The following DHRS7C variants were observed in gnomAD, a reference collection of about 807,000 sequenced individuals.
The protein encoded by DHRS7C is dehydrogenase/reductase SDR family member 7C.
DHRS7C carries 28 observed loss-of-function variants against 29.6 expected under a neutral mutation model. The observed-to-expected ratio is 0.95, with a 90% CI of 0.70 to 1.30. DHRS7C has a LOEUF of 1.30. Ranked by LOEUF, DHRS7C falls within the 50% of genes most tolerant of loss-of-function variation. DHRS7C has a pLI of 0.00. For synonymous variants in DHRS7C, 158 were observed against 160.2 expected, an observed-to-expected ratio of 0.99 and a Z score of 0.10; for missense variants, 403 against 393.3, an observed-to-expected ratio of 1.02 and a Z score of -0.21.
intron 1 of DHRS7C, among the ~76,000 whole-genome samples, chr17:9,787,079 G>A (rs1033873821): frequency 1.1e-4 from 16 of 152,060 alleles, no homozygotes; most frequent in African/African-American, 3.4e-4. Flanking sequence ...CCAAGTAGCT[G>A]GGATTACAGG....
chr17:9,781,414 G>T, intron 2 of DHRS7C, 68 bp downstream of exon 2: 1 of 1,461,002 alleles, frequency 6.8e-7, no homozygotes, highest in Non-Finnish European at 9.5e-7. Context: ...CCAAGAGCTG[G>T]TCCTGAACAA....
intron 3 of DHRS7C, among the ~76,000 whole-genome samples, chr17:9,778,157 C>T (rs536648965): frequency 1.3e-4 from 19 of 151,968 alleles, no homozygotes; most frequent in African/African-American, 4.1e-4. Flanking sequence ...TTTGGGAGGC[C>T]GAGGCGGGTG....
Position 9,771,616 on chromosome 17 carries a change from G to A in DHRS7C, c.808C>T (p.Gln270Ter). 1 of 1,602,266 alleles carries A rather than the reference G, an allele frequency of 6.2e-7. No homozygotes were observed. The highest frequency in any genetic ancestry group is 2.3e-5 in the East Asian group (1 of 43,982). Residue 270 changes from glutamine (Q) to a stop codon, truncating the protein, a stop_gained, in exon 6 of 6, where the codon CAA (glutamine) becomes TAA (stop). Coordinates refer to ENST00000571134, the MANE Select transcript of DHRS7C (RefSeq NM_001105571.3). LOFTEE classifies it high-confidence loss of function. The part of the protein sequence containing the change: ...EVMRTVRRKK[Q>*]EVFMANPIPK... ...ATGGGGTTGGCCATAAACACCTCTT[G>A]CTTCTTCCTCCGCACGGTGCGCATC...
chr17:9,783,777 C>G (rs1183323545), intron 1 of DHRS7C, among the ~76,000 whole-genome samples: 1 of 151,904 alleles, frequency 6.6e-6, no homozygotes, highest in Non-Finnish European at 1.5e-5. Flanking sequence ...ACCAGCCTGG[C>G]CAACATGATG....
intron 2 of DHRS7C, among the ~76,000 whole-genome samples, 157 bp downstream of exon 2, chr17:9,781,325 G>A (rs1420921497): frequency 1.3e-5 from 2 of 152,168 alleles, no homozygotes; most frequent in Non-Finnish European, 2.9e-5. Flanking sequence ...TTTATGAATG[G>A]CAAACATGCC....
chr17:9,783,978 TGAATACCTATCTGG>T (rs898687333), intron 1 of DHRS7C, among the ~76,000 whole-genome samples: 3 of 150,454 alleles, frequency 2.0e-5, no homozygotes, highest in Non-Finnish European at 4.4e-5. Context: ...AAATGGTATT[TGAATACCTATCTGG>T]GAGGGAAAAA....
chr17:9,787,008 T>C, intron 1 of DHRS7C, among the ~76,000 whole-genome samples: 1 of 152,098 alleles, frequency 6.6e-6, no homozygotes, highest in Middle Eastern at 3.2e-3. Flanking sequence ...TGCAGTGGCG[T>C]GATCTCAGCT....
chr17:9,779,425 C>T (rs967251337), intron 3 of DHRS7C, among the ~76,000 whole-genome samples: 1 of 152,076 alleles, frequency 6.6e-6, no homozygotes, highest in East Asian at 1.9e-4. Flanking sequence ...TACCTTTGAC[C>T]AACTGTAATG....
At position 9,772,892 on chromosome 17, in the gene DHRS7C, A is replaced by C. The variant is rs772085657; in HGVS notation, c.602T>G (p.Phe201Cys). 25 of 1,613,718 alleles carry C rather than the reference A, an allele frequency of 1.5e-5. No individual in the cohort carries two copies. The highest frequency in any genetic ancestry group is 1.6e-4 in the Middle Eastern group (1 of 6,082). The change falls in exon 5 of 6, where the codon TTC (phenylalanine) becomes TGC (cysteine). Residue 201 changes from phenylalanine to cysteine, a missense_variant. Physicochemically the swap from Phe to Cys is radical, Grantham distance 205. Coordinates refer to ENST00000571134, the MANE Select transcript of DHRS7C (RefSeq NM_001105571.3). ...CACTTCGGCTCGGAGGCAGTCAAAG[A>C]AGCCCAGGGCTGCGTGCTTGGAGGC... ...YAASKHAALG[F>C]FDCLRAEVEE...
At chr17:9,778,971 G>T (rs1050037251) in intron 3 of DHRS7C, among the ~76,000 whole-genome samples, 8 of 152,072 alleles carry the variant, frequency 5.3e-5, no homozygotes, top group African/African-American at 1.9e-4. Context: ...GTGCAATGGT[G>T]TGATCTTGGC....
In DHRS7C at chr17:9,791,186, T is replaced by TGACTTTGACCACAGCC; in HGVS notation, c.83_98dup (p.Gln36ValfsTer49). On this transcript the variant is annotated frameshift_variant, in exon 1 of 6. Coordinates refer to ENST00000571134, the MANE Select transcript of DHRS7C (RefSeq NM_001105571.3). LOFTEE classifies it high-confidence loss of function. ...TCACCACCACTTTGTTCTGCACAGC[T>TGACTTTGACCACAGCC]GACTTTGACCACAGCCTGGACACCT... 1 of 1,613,786 alleles carries TGACTTTGACCACAGCC rather than the reference T, an allele frequency of 6.2e-7. No individual in the cohort carries two copies. Among genetic ancestry groups the TGACTTTGACCACAGCC allele is most frequent in the Non-Finnish European group, 8.5e-7 (1 of 1,179,828 alleles).
intron 1 of DHRS7C, among the ~76,000 whole-genome samples, chr17:9,784,454 AGAGT>A (rs2066411349): frequency 1.3e-5 from 2 of 152,320 alleles, no homozygotes; most frequent in South Asian, 4.1e-4. Context: ...CCTGGGGAAC[AGAGT>A]GAGACTCCAT....
At chr17:9,772,702 C>T (rs1221171517) in intron 5 of DHRS7C, 65 bp downstream of exon 5, 6 of 1,558,970 alleles carry the variant, frequency 3.8e-6, no homozygotes, top group Admixed American at 3.6e-5. Flanking sequence ...GGTCATTCAT[C>T]CCCCCAGTGA....
At chr17:9,772,693 G>A in intron 5 of DHRS7C, 74 bp downstream of exon 5, 1 of 1,540,136 alleles carries the variant, frequency 6.5e-7, no homozygotes, top group African/African-American at 1.4e-5. Flanking sequence ...CCATCTGAAG[G>A]TCATTCATCC....
At chr17:9,773,006 C>T (rs2066340804) in intron 4 of DHRS7C, 84 bp from the exon 5 acceptor site, 1 of 1,513,734 alleles carries the variant, frequency 6.6e-7, no homozygotes, top group Non-Finnish European at 8.9e-7. Context: ...GGAGGGCCGA[C>T]AGACACATTT....
At chr17:9,780,167 C>T (rs1341720887) in intron 2 of DHRS7C, 132 bp from the exon 3 acceptor site, 7 of 777,458 alleles carry the variant, frequency 9.0e-6, no homozygotes, top group African/African-American at 5.3e-5. Flanking sequence ...AAAAAAAAGA[C>T]GAAGAAGCAG....
At chr17:9,773,159 G>C (rs1254472603) in intron 4 of DHRS7C, among the ~76,000 whole-genome samples, 3 of 152,146 alleles carry the variant, frequency 2.0e-5, no homozygotes, top group Non-Finnish European at 4.4e-5. Context: ...GTGATTGTGG[G>C]CAAATCACTT....
At chr17:9,780,176 A>T (rs1369150163) in intron 2 of DHRS7C, 141 bp from the exon 3 acceptor site, 4 of 776,610 alleles carry the variant, frequency 5.2e-6, no homozygotes, top group Non-Finnish European at 8.0e-6. Context: ...ACGAAGAAGC[A>T]GAGATGATTC....
intron 1 of DHRS7C, among the ~76,000 whole-genome samples, chr17:9,784,379 GGTGAATGGC>G (rs1567703136): frequency 6.6e-6 from 1 of 152,104 alleles, no homozygotes; most frequent in Non-Finnish European, 1.5e-5. Context: ...GGCTGAGGCA[GGTGAATGGC>G]GTGAACCCAG....
Sources: allele counts gnomAD v4.1 joint callset (sites outside exome capture counted in the v4.1 genomes callset), GRCh38; gene constraint gnomAD v4.1.1; transcripts MANE v1.5; gene names NCBI Gene and HGNC (gene_info 2026-07-23, HGNC 2026-07-21).